LGR6: variants seen among roughly 807,000 people sequenced by gnomAD.
The protein encoded by LGR6 is leucine-rich repeat-containing G protein-coupled receptor 6.
LGR6 carries 45 observed loss-of-function variants against 69.4 expected under a neutral mutation model. That is an observed-to-expected ratio of 0.65 (90% CI 0.51 to 0.83). The LOEUF is 0.83. Among genes scored for constraint, LGR6 ranks in the 40% least tolerant of loss-of-function variants. LGR6 has a pLI of 0.00. For missense variants in LGR6, 1,108 were observed against 1,246.7 expected (o/e 0.89, Z 1.68); for synonymous variants, 538 against 555.0 (o/e 0.97, Z 0.43).
chr1:202,300,723 C>T (rs1667524787), intron 7 of LGR6, 126 bp from the exon 8 acceptor site: 2 of 584,146 alleles, frequency 3.4e-6, no homozygotes, highest in South Asian at 6.3e-5. Flanking sequence ...CTGGAATCTC[C>T]AGGCCAATGC....
At chr1:202,238,347 C>T (rs2148008170) in intron 4 of LGR6, among the ~76,000 whole-genome samples, 1 of 150,008 alleles carries the variant, frequency 6.7e-6, no homozygotes. Flanking sequence ...AGCAATCCAC[C>T]TACCTTGGTC....
At chr1:202,276,836 G>A (rs920924995) in intron 5 of LGR6, among the ~76,000 whole-genome samples, 1 of 152,086 alleles carries the variant, frequency 6.6e-6, no homozygotes, top group Admixed American at 6.5e-5. Flanking sequence ...CTTGATAACT[G>A]GAATATAAAT....
chr1:202,307,203 C>T, intron 13 of LGR6, 127 bp from the exon 14 acceptor site: 4 of 938,664 alleles, frequency 4.3e-6, no homozygotes, highest in South Asian at 3.1e-5. Context: ...GGTACCTTCC[C>T]CAAAAGGCAA....
At position 202,238,536 on chromosome 1, in the gene LGR6, G is replaced by A. The variant is rs561186627; in HGVS notation, c.428+2543G>A. The stretch of plus-strand genomic sequence containing the variant: ...CCTCCTGGGTTCAAGAGATTCTCCT[G>A]CCTCAGCCTCCCAAGTAGCTGGGAC... On this transcript the variant is annotated intron_variant, in intron 4 of 17. Transcript: ENST00000367278. Among the ~76,000 whole-genome samples, 8 of 149,314 alleles carry A rather than the reference G, an allele frequency of 5.4e-5. No individual in the cohort carries two copies. The South Asian group carries it at 1.3e-3, about 24-fold the overall frequency.
intron 1 of LGR6, among the ~76,000 whole-genome samples, chr1:202,212,547 G>A (rs1196536593): frequency 1.3e-5 from 2 of 152,208 alleles, no homozygotes; most frequent in Non-Finnish European, 2.9e-5. Flanking sequence ...AGAACCCACT[G>A]CGTGCCTCTT....
intron 12 of LGR6, 130 bp downstream of exon 12, chr1:202,305,879 G>A: frequency 1.3e-6 from 1 of 793,196 alleles, no homozygotes; most frequent in South Asian, 1.6e-5. Context: ...TCTTTTCTGA[G>A]TTTGTTTAAC....
At chr1:202,215,006 T>C (rs1192418183) in intron 1 of LGR6, among the ~76,000 whole-genome samples, 2 of 149,022 alleles carry the variant, frequency 1.3e-5, no homozygotes, top group Non-Finnish European at 3.0e-5. Context: ...TGTGTGTGTG[T>C]GTGTGTGTGT....
chr1:202,303,302 T>C lies in LGR6; in HGVS notation c.953T>C (p.Ile318Thr), dbSNP rs1188280965. 2.5e-6 allele frequency: 4 copies of C among 1,614,036 alleles called. No homozygotes were observed. Among genetic ancestry groups the C allele is most frequent in the Non-Finnish European group, 3.4e-6 (4 of 1,179,902 alleles). The part of the protein sequence containing the change: ...HTLSLNGAMD[I>T]QEFPDLKGTT... ...AGATCTCTGAATGGTGCCATGGACA[T>C]CCAGGAGTTTCCAGATCTCAAAGGC... The change falls in exon 10 of 18, where the codon ATC (isoleucine) becomes ACC (threonine). Residue 318 changes from isoleucine to threonine, a missense_variant. Transcript: ENST00000367278.
intron 4 of LGR6, among the ~76,000 whole-genome samples, chr1:202,255,936 G>A (rs1055622892): frequency 3.9e-5 from 6 of 152,106 alleles, no homozygotes; most frequent in African/African-American, 1.2e-4. Flanking sequence ...TATGCAATTC[G>A]GTGATTATTA....
intron 7 of LGR6, 146 bp from the exon 8 acceptor site, chr1:202,300,703 G>T: frequency 3.9e-6 from 2 of 517,750 alleles, no homozygotes; most frequent in Non-Finnish European, 7.0e-6. Context: ...GGCAGTATTT[G>T]AATCTGAACC....
At chr1:202,205,335 T>C (rs1479620480) in intron 1 of LGR6, among the ~76,000 whole-genome samples, 1 of 1,420 alleles carries the variant, frequency 7.0e-4, no homozygotes, top group Non-Finnish European at 1.5e-3. Context: ...CACACACACC[T>C]AACACACCTC....
intron 2 of LGR6, among the ~76,000 whole-genome samples, chr1:202,226,022 A>G (rs1660521114): frequency 6.6e-6 from 1 of 152,188 alleles, no homozygotes; most frequent in South Asian, 2.1e-4. Flanking sequence ...CCCATGGCCT[A>G]AAGGATCCAT....
chr1:202,315,952 G>A (rs1654109826), intron 17 of LGR6, among the ~76,000 whole-genome samples: 1 of 152,152 alleles, frequency 6.6e-6, no homozygotes, highest in Non-Finnish European at 1.5e-5. Flanking sequence ...AAAAGACAAA[G>A]TCCAACTCGA....
chr1:202,214,238 G>GTAGGCC, intron 1 of LGR6: 1 of 1,541,854 alleles, frequency 6.5e-7, no homozygotes, highest in East Asian at 2.6e-5. Context: ...GTGCGCCCAG[G>GTAGGCC]TAGGCTTGGG....
chr1:202,303,417 G>T, intron 10 of LGR6, 70 bp downstream of exon 10: 1 of 1,217,784 alleles, frequency 8.2e-7, no homozygotes. Flanking sequence ...TCCACTCCCT[G>T]CCCCTGGAAG....
intron 4 of LGR6, among the ~76,000 whole-genome samples, chr1:202,264,990 G>A (rs1441025004): frequency 2.6e-5 from 4 of 152,090 alleles, no homozygotes; most frequent in African/African-American, 9.7e-5. Flanking sequence ...TTGATCTATT[G>A]AGAGGCTGAC....
intron 1 of LGR6, among the ~76,000 whole-genome samples, chr1:202,201,627 C>A (rs1013950960): frequency 6.6e-6 from 1 of 152,202 alleles, no homozygotes; most frequent in Non-Finnish European, 1.5e-5. Context: ...TGAGGGGTTT[C>A]CAAACTCCAA....
chr1:202,234,344 AC>A (rs2147990906), intron 3 of LGR6, among the ~76,000 whole-genome samples: 1 of 152,052 alleles, frequency 6.6e-6, no homozygotes, highest in South Asian at 2.1e-4. Context: ...TCCTATCCCC[AC>A]CCATTCCCAC....
intron 7 of LGR6, among the ~76,000 whole-genome samples, chr1:202,299,983 T>G (rs1667459884): frequency 6.6e-6 from 1 of 152,170 alleles, no homozygotes; most frequent in Non-Finnish European, 1.5e-5. Context: ...CATTTTCCCA[T>G]AGTGCCATCC....
Sources: gnomAD v4.1 joint callset for allele counts (sites outside exome capture counted in the v4.1 genomes callset) on GRCh38, gnomAD v4.1.1 for gene constraint, MANE v1.5 for transcripts, NCBI Gene and HGNC (gene_info 2026-07-23, HGNC 2026-07-21) for gene names.